TSNARE1: variants seen among roughly 807,000 people sequenced by gnomAD.
TSNARE1 encodes the protein t-SNARE domain containing 1.
Under a neutral mutation model 62.0 loss-of-function variants are expected in TSNARE1, and 49 were observed. The ratio of observed to expected loss-of-function variants is 0.79; its 90% CI spans 0.63 to 1.00. The LOEUF is 1.00. Ranked by LOEUF, TSNARE1 falls within the 50% of genes least tolerant of loss-of-function variation. The pLI is 0.00. For missense variants in TSNARE1, 755 were observed against 700.1 expected (o/e 1.08, Z -0.88); for synonymous variants, 328 against 294.4 (o/e 1.11, Z -1.17).
intron 1 of TSNARE1, among the ~76,000 whole-genome samples, chr8:142,401,082 C>T (rs1171161345): frequency 1.3e-5 from 2 of 152,206 alleles, no homozygotes; most frequent in Non-Finnish European, 2.9e-5. Context: ...CTTTCCTCCC[C>T]ACCTGGAAGG....
chr8:142,282,360 T>G (rs988587895), intron 11 of TSNARE1, among the ~76,000 whole-genome samples: 1 of 152,264 alleles, frequency 6.6e-6, no homozygotes, highest in African/African-American at 2.4e-5. Flanking sequence ...GAGGCTAGTA[T>G]CTGTCAACGA....
At chr8:142,363,859 G>T (rs1035705188) in intron 1 of TSNARE1, among the ~76,000 whole-genome samples, 1 of 152,182 alleles carries the variant, frequency 6.6e-6, no homozygotes, top group African/African-American at 2.4e-5. Context: ...AATAGATGGT[G>T]CCTTGCGTCT....
chr8:142,389,650 A>C (rs1408646513), intron 1 of TSNARE1, among the ~76,000 whole-genome samples: 1 of 152,144 alleles, frequency 6.6e-6, no homozygotes, highest in African/African-American at 2.4e-5. Context: ...ACAAGAAAGG[A>C]ACCCTGGACT....
At chr8:142,337,809 C>T (rs371724970) in intron 4 of TSNARE1, among the ~76,000 whole-genome samples, 1 of 152,218 alleles carries the variant, frequency 6.6e-6, no homozygotes, top group African/African-American at 2.4e-5. Context: ...TCTCAGGAAG[C>T]GCCCATTCCC....
chr8:142,225,328 C>CCTGGG (rs1816723258), intron 13 of TSNARE1, among the ~76,000 whole-genome samples: 2 of 152,246 alleles, frequency 1.3e-5, no homozygotes, highest in South Asian at 4.2e-4. Flanking sequence ...GCTCCTTGGC[C>CCTGGG]CTGGCCCTGC....
At chr8:142,338,185 G>A (rs577319867) in intron 4 of TSNARE1, among the ~76,000 whole-genome samples, 179 of 152,294 alleles carry the variant, frequency 1.2e-3, no homozygotes, top group African/African-American at 4.1e-3. Flanking sequence ...ACCCTAAAAC[G>A]CCAAAAGGCG....
At chr8:142,333,275 G>A (rs548020521) in intron 4 of TSNARE1, among the ~76,000 whole-genome samples, 1 of 152,170 alleles carries the variant, frequency 6.6e-6, no homozygotes, top group Non-Finnish European at 1.5e-5. Context: ...AAGCACGGGG[G>A]GCCGAGCTCG....
chr8:142,383,574 T>C (rs1409557003), intron 1 of TSNARE1, among the ~76,000 whole-genome samples: 1 of 152,006 alleles, frequency 6.6e-6, no homozygotes, highest in Non-Finnish European at 1.5e-5. Flanking sequence ...GTCTTCCCTC[T>C]CCCAGCCTCA....
chr8:142,236,841 G>A (rs1817451371), intron 12 of TSNARE1, among the ~76,000 whole-genome samples: 1 of 152,176 alleles, frequency 6.6e-6, no homozygotes. Flanking sequence ...GGATGTCAGG[G>A]AAGGAAACAA....
At chr8:142,266,953 C>T (rs1411395590) in intron 12 of TSNARE1, among the ~76,000 whole-genome samples, 1 of 152,220 alleles carries the variant, frequency 6.6e-6, no homozygotes, top group Non-Finnish European at 1.5e-5. Context: ...CAGTATGTTG[C>T]TTAACCCATC....
In TSNARE1 at chr8:142,394,870, G is replaced by A. The variant is rs143881516; in HGVS notation, c.-40+8234C>T. On this transcript the variant is annotated intron_variant, in intron 1 of 13. Transcript: ENST00000524325. ...TCCTCTGCTGGCAGCATCCCAGGCT[G>A]TGCCTGCGCCCTGGGGACAGTGAGG... is the stretch of plus-strand genomic sequence containing the variant. 3.3e-4 allele frequency among the ~76,000 whole-genome samples: 50 copies of A among 152,304 alleles called. 3 individuals are homozygous for A. Among genetic ancestry groups the A allele is most frequent in the African/African-American group, 1.2e-3 (49 of 41,566 alleles).
chr8:142,360,262 A>G (rs11985783), intron 1 of TSNARE1, among the ~76,000 whole-genome samples: 30,458 of 151,930 alleles, frequency 0.2, 3,314 homozygotes, highest in East Asian at 0.37. Context: ...CCAGGAGGGG[A>G]TGTGGCAGAG....
At chr8:142,352,029 G>C (rs146055268) in intron 2 of TSNARE1, among the ~76,000 whole-genome samples, 1 of 152,360 alleles carries the variant, frequency 6.6e-6, no homozygotes, top group East Asian at 1.9e-4. Context: ...AAAGAGAAAA[G>C]TGCGAGTCCC....
intron 6 of TSNARE1, among the ~76,000 whole-genome samples, chr8:142,320,019 G>A (rs990279279): frequency 6.6e-6 from 1 of 152,094 alleles, no homozygotes; most frequent in African/African-American, 2.4e-5. Flanking sequence ...TTAACACTGT[G>A]AGAAGGATGC....
At chr8:142,223,919 G>C (rs35086622) in intron 13 of TSNARE1, among the ~76,000 whole-genome samples, 1 of 122,952 alleles carries the variant, frequency 8.1e-6, no homozygotes, top group African/African-American at 3.3e-5. Context: ...GAGAAACCTG[G>C]ACAATGCCAC....
At chr8:142,237,520 G>A (rs1287778500) in intron 12 of TSNARE1, among the ~76,000 whole-genome samples, 3 of 152,176 alleles carry the variant, frequency 2.0e-5, no homozygotes, top group East Asian at 1.9e-4. Flanking sequence ...GTGTGCCAGC[G>A]GAACCACCCG....
chr8:142,283,343 T>C (rs1403055216), intron 11 of TSNARE1, among the ~76,000 whole-genome samples: 1 of 151,144 alleles, frequency 6.6e-6, no homozygotes, highest in Non-Finnish European at 1.5e-5. Flanking sequence ...GCGGGGCCAG[T>C]GTCTGTCAAT....
intron 12 of TSNARE1, chr8:142,247,645 C>T (rs1423161002): frequency 6.6e-6 from 1 of 152,206 alleles, no homozygotes; most frequent in Non-Finnish European, 1.5e-5. Flanking sequence ...CAGGTGCAAT[C>T]CCACTACTGA....
chr8:142,370,518 G>A (rs967234620), intron 1 of TSNARE1, among the ~76,000 whole-genome samples: 1 of 152,120 alleles, frequency 6.6e-6, no homozygotes, highest in African/African-American at 2.4e-5. Flanking sequence ...ATCACAGTGA[G>A]CCAAGCACCA....
Sources: allele counts gnomAD v4.1 joint callset (sites outside exome capture counted in the v4.1 genomes callset), GRCh38; gene constraint gnomAD v4.1.1; transcripts MANE v1.5; gene names NCBI Gene and HGNC (gene_info 2026-07-23, HGNC 2026-07-21).